ZNF407: variants seen among roughly 807,000 people sequenced by gnomAD.
The protein encoded by ZNF407 is zinc finger protein 407.
ZNF407 carries 17 observed loss-of-function variants against 131.2 expected under a neutral mutation model. That is an observed-to-expected ratio of 0.13 (90% CI 0.09 to 0.19). ZNF407 has a LOEUF of 0.19. Among genes scored for constraint, ZNF407 ranks in the 10% least tolerant of loss-of-function variants. ZNF407 has a pLI of 1.00. For missense variants in ZNF407, 2,681 were observed against 2,830.6 expected, an observed-to-expected ratio of 0.95 and a Z score of 1.20; for synonymous variants, 1,156 against 1,062.0, an observed-to-expected ratio of 1.09 and a Z score of -1.72.
intron 3 of ZNF407, among the ~76,000 whole-genome samples, chr18:74,775,266 C>G (rs1480630668): frequency 1.3e-5 from 2 of 152,194 alleles, no homozygotes; most frequent in African/African-American, 4.8e-5. Flanking sequence ...ATCTATTCCA[C>G]TCCACCCTTC....
intron 3 of ZNF407, among the ~76,000 whole-genome samples, chr18:74,712,744 G>A (rs927323813): frequency 6.6e-6 from 1 of 152,162 alleles, no homozygotes. Flanking sequence ...TCTGCAGTGG[G>A]GAAAGAGTAT....
Position 74,635,227 on chromosome 18 carries a change from C to A in ZNF407, c.4208C>A (p.Ser1403Tyr). ...DCAQGVKKKK[S>Y]EGSSIGESTR... ...GCTCAAGGTGTGAAAAAGAAGAAATCTGAGGGCAGTTCCATTGGTGAGTCT... is the reference window on the plus strand; with the variant it reads ...GCTCAAGGTGTGAAAAAGAAGAAATATGAGGGCAGTTCCATTGGTGAGTCT... The change falls in exon 2 of 9, where the codon TCT becomes TAT. Residue 1403 changes from serine to tyrosine, a missense_variant. By Grantham distance (144) the Ser-to-Tyr change is moderately radical. This residue lies in a region of ZNF407 where 1,789 missense variants were observed against 1,748.7 expected (regional missense o/e 1.02). Transcript: ENST00000299687. This position sits in a 1 kb window ranked among gnomAD's most constrained non-coding sequence, Gnocchi z 4.7. The A allele has an allele frequency of 6.2e-7, 1 of 1,613,882 alleles. No homozygotes were observed.
intron 3 of ZNF407, among the ~76,000 whole-genome samples, chr18:74,775,971 C>T (rs1430653682): frequency 1.3e-5 from 2 of 152,196 alleles, no homozygotes; most frequent in African/African-American, 2.4e-5. Flanking sequence ...AATCTGCCTC[C>T]GTGACCAATC....
At chr18:74,797,549 G>T (rs1969942822) in intron 4 of ZNF407, among the ~76,000 whole-genome samples, 1 of 152,230 alleles carries the variant, frequency 6.6e-6, no homozygotes, top group Non-Finnish European at 1.5e-5. Flanking sequence ...CTAGCCTGCT[G>T]CAGAATTGTA....
chr18:74,732,787 A>G (rs1968323997), intron 3 of ZNF407, among the ~76,000 whole-genome samples: 1 of 152,188 alleles, frequency 6.6e-6, no homozygotes, highest in Non-Finnish European at 1.5e-5. Flanking sequence ...TACCTATCAT[A>G]GTGTTCACTT....
At chr18:74,848,283 T>C (rs1280228059) in intron 4 of ZNF407, among the ~76,000 whole-genome samples, 1 of 152,218 alleles carries the variant, frequency 6.6e-6, no homozygotes, top group African/African-American at 2.4e-5. Context: ...AGGAAGTTTA[T>C]CAATGATTTG....
chr18:74,773,881 A>G (rs1969412633), intron 3 of ZNF407, among the ~76,000 whole-genome samples: 1 of 152,184 alleles, frequency 6.6e-6, no homozygotes, highest in Non-Finnish European at 1.5e-5. Flanking sequence ...AGTAGCAGTG[A>G]TCAGAGTTAG....
intron 3 of ZNF407, among the ~76,000 whole-genome samples, chr18:74,652,212 C>T (rs190393844): frequency 4.9e-4 from 74 of 152,140 alleles, no homozygotes; most frequent in Non-Finnish European, 8.8e-5. Flanking sequence ...ATCTAAAGAT[C>T]AAAGTTAAGT....
intron 4 of ZNF407, among the ~76,000 whole-genome samples, chr18:74,866,180 T>C (rs1337547863): frequency 6.6e-6 from 1 of 152,222 alleles, no homozygotes; most frequent in African/African-American, 2.4e-5. Context: ...TGTGTCTATG[T>C]TGAATTGGTC....
intron 8 of ZNF407, among the ~76,000 whole-genome samples, chr18:74,941,008 G>A (rs180752628): frequency 2.1e-3 from 327 of 152,228 alleles, no homozygotes; most frequent in Non-Finnish European, 4.1e-3. Context: ...GTTAGCTCGG[G>A]GTGACCTAAC....
At chr18:74,981,830 A>G (rs1245538722) in intron 8 of ZNF407, among the ~76,000 whole-genome samples, 1 of 152,280 alleles carries the variant, frequency 6.6e-6, no homozygotes, top group Non-Finnish European at 1.5e-5. Flanking sequence ...CTATAAACAT[A>G]TGCTACAAAT....
intron 7 of ZNF407, among the ~76,000 whole-genome samples, chr18:74,913,002 A>G (rs1449403100): frequency 6.6e-6 from 1 of 152,236 alleles, no homozygotes; most frequent in African/African-American, 2.4e-5. Context: ...TTAAAACTCC[A>G]ATGAGATACC....
At chr18:74,838,212 G>T (rs2554113) in intron 4 of ZNF407, among the ~76,000 whole-genome samples, 1 of 152,286 alleles carries the variant, frequency 6.6e-6, no homozygotes, top group Non-Finnish European at 1.5e-5. Flanking sequence ...TCCATCTGCC[G>T]TCCCAAGAAT....
At chr18:74,691,869 G>A (rs1291571999) in intron 3 of ZNF407, among the ~76,000 whole-genome samples, 2 of 152,152 alleles carry the variant, frequency 1.3e-5, no homozygotes, top group Non-Finnish European at 2.9e-5. Flanking sequence ...CGAGGCAGAT[G>A]AATCCCTTGA....
At chr18:75,027,406 A>G (rs72965953) in intron 8 of ZNF407, among the ~76,000 whole-genome samples, 5,023 of 152,230 alleles carry the variant, frequency 0.033, 122 homozygotes, top group Non-Finnish European at 0.051. Flanking sequence ...GAATTAGGAG[A>G]CTAGTTAGGA....
intron 4 of ZNF407, among the ~76,000 whole-genome samples, chr18:74,824,103 T>A (rs1970377549): frequency 6.6e-6 from 1 of 152,208 alleles, no homozygotes; most frequent in Admixed American, 6.5e-5. Context: ...AACCTTCTCC[T>A]GAGTGACTAC....
At chr18:74,945,811 C>T (rs999733133) in intron 8 of ZNF407, among the ~76,000 whole-genome samples, 1 of 152,026 alleles carries the variant, frequency 6.6e-6, no homozygotes, top group Non-Finnish European at 1.5e-5. Flanking sequence ...AATTAGAAGT[C>T]TTTCTTAAGG....
intron 3 of ZNF407, among the ~76,000 whole-genome samples, chr18:74,698,482 T>A (rs1335202715): frequency 6.6e-6 from 1 of 152,202 alleles, no homozygotes; most frequent in East Asian, 1.9e-4. Context: ...GTATGTTTGA[T>A]GTTTGCATCT....
chr18:74,693,024 A>G (rs905908125), intron 3 of ZNF407, among the ~76,000 whole-genome samples: 3 of 152,204 alleles, frequency 2.0e-5, no homozygotes, highest in Non-Finnish European at 2.9e-5. Flanking sequence ...CTGGGCAAAC[A>G]GCTGTTGACT....
Sources: allele counts gnomAD v4.1 joint callset (sites outside exome capture counted in the v4.1 genomes callset), GRCh38; gene constraint gnomAD v4.1.1; regional missense constraint gnomAD v4.1.1; non-coding constraint Gnocchi (gnomAD v3.1); transcripts MANE v1.5; gene names NCBI Gene and HGNC (gene_info 2026-07-23, HGNC 2026-07-21).